NRXN1: variants seen among roughly 807,000 people sequenced by gnomAD.
NRXN1 encodes the protein neurexin 1.
A neutral mutation model predicts 150.9 loss-of-function variants in NRXN1; 39 were observed. That is an observed-to-expected ratio of 0.26 (90% CI 0.20 to 0.34). The LOEUF (loss-of-function observed/expected upper bound fraction) is 0.34, where lower values mean the gene tolerates loss of function less well. Ranked by LOEUF, NRXN1 falls within the 10% of genes least tolerant of loss-of-function variation. The pLI, the probability that NRXN1 is intolerant of heterozygous loss-of-function variation, is 1.00. For missense variants in NRXN1, 1,815 were observed against 1,949.9 expected (o/e 0.93, Z 1.30); for synonymous variants, 924 against 757.0 (o/e 1.22, Z -3.62).
intron 5 of NRXN1, among the ~76,000 whole-genome samples, chr2:50,720,248 T>A (rs1423052765): frequency 2.0e-5 from 3 of 152,138 alleles, no homozygotes; most frequent in Non-Finnish European, 2.9e-5. Flanking sequence ...ATGGGAAACT[T>A]CATTTTCGAA....
chr2:50,206,570 C>T (rs776936431), intron 18 of NRXN1, among the ~76,000 whole-genome samples: 32 of 151,882 alleles, frequency 2.1e-4, no homozygotes, highest in Admixed American at 1.3e-3. Flanking sequence ...TATACCACAT[C>T]CTCTGCAGTA....
At chr2:50,723,956 A>C (rs1696998371) in intron 5 of NRXN1, among the ~76,000 whole-genome samples, 1 of 152,232 alleles carries the variant, frequency 6.6e-6, no homozygotes, top group Non-Finnish European at 1.5e-5. Context: ...GATGACAGGA[A>C]TACAAGTTCT....
intron 17 of NRXN1, among the ~76,000 whole-genome samples, chr2:50,393,430 G>T (rs1480609704): frequency 6.6e-6 from 1 of 151,954 alleles, no homozygotes; most frequent in Admixed American, 6.6e-5. Flanking sequence ...CAGGGAGAAG[G>T]ATTACAGGAT....
At chr2:50,403,931 C>T (rs767044278) in intron 17 of NRXN1, among the ~76,000 whole-genome samples, 3 of 152,068 alleles carry the variant, frequency 2.0e-5, no homozygotes, top group Non-Finnish European at 4.4e-5. Flanking sequence ...GAACATAAGA[C>T]AATGTTCTGA....
intron 19 of NRXN1, among the ~76,000 whole-genome samples, chr2:50,075,067 G>T (rs1353887800): frequency 6.6e-6 from 1 of 152,148 alleles, no homozygotes; most frequent in Non-Finnish European, 1.5e-5. Context: ...CTGTAGTCAG[G>T]AAAATGTATA....
At chr2:50,893,422 C>T (rs568230090) in intron 5 of NRXN1, among the ~76,000 whole-genome samples, 53 of 152,084 alleles carry the variant, frequency 3.5e-4, no homozygotes, top group Non-Finnish European at 5.1e-4. Context: ...TTAATGAGAA[C>T]GTCAATATAT....
chr2:50,842,478 G>A (rs547343908), intron 5 of NRXN1, among the ~76,000 whole-genome samples: 1 of 152,126 alleles, frequency 6.6e-6, no homozygotes, highest in Non-Finnish European at 1.5e-5. Flanking sequence ...CATTAAGTTA[G>A]CACCAAACAG....
At chr2:51,022,832 C>T (rs1408645380) in intron 2 of NRXN1, among the ~76,000 whole-genome samples, 1 of 152,150 alleles carries the variant, frequency 6.6e-6, no homozygotes, top group Non-Finnish European at 1.5e-5. Flanking sequence ...TATTTTGTCA[C>T]TAGAACATGT....
intron 18 of NRXN1, among the ~76,000 whole-genome samples, chr2:50,175,502 T>C (rs1301160773): frequency 2.6e-5 from 4 of 152,132 alleles, no homozygotes; most frequent in African/African-American, 4.8e-5. Context: ...AAAATCTCAT[T>C]TGGTTTCCAA....
At chr2:50,695,150 C>A (rs1020137791) in intron 5 of NRXN1, among the ~76,000 whole-genome samples, 2 of 145,884 alleles carry the variant, frequency 1.4e-5, no homozygotes, top group Non-Finnish European at 1.5e-5. Flanking sequence ...GACTATTTAC[C>A]AACATATTTT....
chr2:50,547,646 G>A (rs2093524996), intron 9 of NRXN1: 1 of 152,148 alleles, frequency 6.6e-6, no homozygotes, highest in Admixed American at 6.6e-5. Flanking sequence ...CTGACTTAGG[G>A]GTTTTGCCCT....
intron 21 of NRXN1, among the ~76,000 whole-genome samples, chr2:50,038,365 T>TTC (rs1012325918): frequency 1.3e-4 from 19 of 151,242 alleles, no homozygotes; most frequent in South Asian, 8.3e-4. Flanking sequence ...ATCCTGGGCT[T>TTC]TCTCTCTCTC....
chr2:50,507,076 T>C (rs946170329), intron 12 of NRXN1: 2 of 154,622 alleles, frequency 1.3e-5, no homozygotes, highest in Admixed American at 6.4e-5. Context: ...CATCTGACTG[T>C]AGCCCATTAG....
At chr2:50,594,898 A>T (rs1054029446) in intron 8 of NRXN1, among the ~76,000 whole-genome samples, 1 of 151,998 alleles carries the variant, frequency 6.6e-6, no homozygotes, top group Admixed American at 6.6e-5. Flanking sequence ...GATGCTTTAA[A>T]TCCAACTCAT....
intron 21 of NRXN1, among the ~76,000 whole-genome samples, chr2:49,974,690 A>T (rs933820304): frequency 1.3e-5 from 2 of 151,842 alleles, no homozygotes; most frequent in African/African-American, 4.8e-5. Context: ...CAAGTTTATA[A>T]TGAGTATTTT....
At chr2:50,551,716 G>GT (rs1667570442) in intron 9 of NRXN1, among the ~76,000 whole-genome samples, 1 of 152,070 alleles carries the variant, frequency 6.6e-6, no homozygotes, top group African/African-American at 2.4e-5. Flanking sequence ...TTAAATAAAT[G>GT]TAGTTGTATA....
intron 17 of NRXN1, among the ~76,000 whole-genome samples, chr2:50,295,153 C>T (rs551006262): frequency 6.6e-6 from 1 of 152,280 alleles, no homozygotes; most frequent in East Asian, 1.9e-4. Flanking sequence ...TCCTCCCTAC[C>T]CTCCATTGAG....
chr2:50,218,351 C>T (rs1346802144), intron 18 of NRXN1, among the ~76,000 whole-genome samples: 2 of 151,972 alleles, frequency 1.3e-5, no homozygotes, highest in Admixed American at 1.3e-4. Flanking sequence ...AGCTCCCAGA[C>T]ACGTTTTTGA....
chr2:50,125,737 G>T (rs886788761), intron 18 of NRXN1, among the ~76,000 whole-genome samples: 2 of 152,010 alleles, frequency 1.3e-5, no homozygotes, highest in Non-Finnish European at 2.9e-5. Flanking sequence ...TAGCAATAAA[G>T]AAAATTAAGG....
Sources: gnomAD v4.1 joint callset for allele counts (sites outside exome capture counted in the v4.1 genomes callset) on GRCh38, gnomAD v4.1.1 for gene constraint, MANE v1.5 for transcripts, NCBI Gene and HGNC (gene_info 2026-07-23, HGNC 2026-07-21) for gene names.